Variants in ACLY observed in about 807,000 individuals in gnomAD.
The protein encoded by ACLY is ATP citrate lyase.
Under a neutral mutation model 133.0 loss-of-function variants are expected in ACLY, and 41 were observed. That is an observed-to-expected ratio of 0.31 (90% confidence interval 0.24 to 0.40). The LOEUF (loss-of-function observed/expected upper bound fraction) is 0.40. Among genes scored for constraint, ACLY ranks in the 10% least tolerant of loss-of-function variants. The pLI is 1.00. For synonymous variants in ACLY, 495 were observed against 549.3 expected (o/e 0.90, Z 1.38); for missense variants, 1,046 against 1,453.8 (o/e 0.72, Z 4.56).
chr17:41,871,190 T>G (rs1487443075), intron 25 of ACLY, among the ~76,000 whole-genome samples: 1 of 152,218 alleles, frequency 6.6e-6, no homozygotes, highest in Non-Finnish European at 1.5e-5. Flanking sequence ...ACAGAAAAAC[T>G]GTTAAGGGCA....
Position 41,896,600 on chromosome 17 carries a change from G to A in ACLY, c.1459+20C>T, listed in dbSNP as rs782486110. 3.2e-6 allele frequency: 5 copies of A among 1,544,620 alleles called. No individual in the cohort carries two copies. The highest frequency in any genetic ancestry group is 3.5e-6 in the Non-Finnish European group (4 of 1,145,886). Reference sequence around the variant, plus strand: ...TAACAAAGCCACACGCGGAGTGGGGGCAGGGTGGGGGCATCCTACCTTGCA... The same window carrying A: ...TAACAAAGCCACACGCGGAGTGGGGACAGGGTGGGGGCATCCTACCTTGCA... On this transcript the variant is annotated intron_variant, in intron 14 of 28. Transcript: ENST00000352035.
intron 1 of ACLY, among the ~76,000 whole-genome samples, chr17:41,924,815 C>A (rs2050222873): frequency 6.6e-6 from 1 of 152,084 alleles, no homozygotes; most frequent in Non-Finnish European, 1.5e-5. Context: ...TTTCTCCATG[C>A]AGCCCAACCA....
intron 25 of ACLY, chr17:41,870,755 C>T (rs2048577226): frequency 6.6e-6 from 1 of 152,240 alleles, no homozygotes; most frequent in Admixed American, 6.5e-5. Flanking sequence ...GATATTGTCA[C>T]TCTTCCTGCC....
At chr17:41,892,205 C>G in intron 16 of ACLY, 74 bp downstream of exon 16, 1 of 1,398,726 alleles carries the variant, frequency 7.1e-7, no homozygotes, top group Non-Finnish European at 9.6e-7. Flanking sequence ...ACCCTCTGTC[C>G]CCTAGAGCCC....
intron 20 of ACLY, among the ~76,000 whole-genome samples, chr17:41,882,394 A>AAAAAAAAAAAAAAC: frequency 6.7e-6 from 1 of 149,114 alleles, no homozygotes; most frequent in African/African-American, 2.5e-5. Context: ...AAAAAAAAAA[A>AAAAAAAAAAAAAAC]AAAGTTGTTT....
chr17:41,884,336 G>A, intron 18 of ACLY, 62 bp from the exon 19 acceptor site: 1 of 1,106,572 alleles, frequency 9.0e-7, no homozygotes, highest in Non-Finnish European at 1.4e-6. Flanking sequence ...AGTGTGTACA[G>A]GGTTAGGAAG....
At chr17:41,893,242 C>A in intron 14 of ACLY, 68 bp from the exon 15 acceptor site, 1 of 1,527,274 alleles carries the variant, frequency 6.5e-7, no homozygotes, top group Admixed American at 1.9e-5. Context: ...GGGGCCAGGG[C>A]TGCCTGACAG....
intron 22 of ACLY, among the ~76,000 whole-genome samples, chr17:41,875,696 G>A (rs1229023327): frequency 2.0e-5 from 3 of 152,082 alleles, no homozygotes; most frequent in Non-Finnish European, 2.9e-5. Flanking sequence ...CGCCAGCCTC[G>A]GCCTCCTGAG....
intron 23 of ACLY, 151 bp downstream of exon 23, chr17:41,873,660 G>T: frequency 1.1e-6 from 1 of 923,348 alleles, no homozygotes; most frequent in Non-Finnish European, 1.5e-6. Flanking sequence ...AATAGTTTAT[G>T]TGTCCTTCCT....
At position 41,912,725 on chromosome 17, in the gene ACLY, T is replaced by C. The variant is rs114444166; in HGVS notation, c.160-183A>G. ...CCACCTACCCTAGCCAATATCTTGC[T>C]TTTGACAACCAGGTATCTAGAGGCA... On this transcript the variant is annotated intron_variant, in intron 2 of 28. Transcript: ENST00000352035. Among the ~76,000 whole-genome samples the C allele has an allele frequency of 5.5e-3, 831 of 152,328 alleles. 7 individuals are homozygous for C. The highest frequency in any genetic ancestry group is 0.019 in the African/African-American group (794 of 41,570).
intron 4 of ACLY, 45 bp from the exon 5 acceptor site, chr17:41,909,745 C>T (rs375544753): frequency 1.2e-5 from 19 of 1,582,970 alleles, no homozygotes; most frequent in African/African-American, 5.4e-5. Context: ...GTTGTGGGGG[C>T]GAAGCTGGTG....
chr17:41,884,847 C>A (rs555284748), intron 18 of ACLY, among the ~76,000 whole-genome samples: 24 of 152,002 alleles, frequency 1.6e-4, no homozygotes, highest in South Asian at 8.3e-4. Flanking sequence ...AACAAACAAA[C>A]AAAAAAAACC....
At chr17:41,924,658 A>G (rs2050221099) in intron 1 of ACLY, among the ~76,000 whole-genome samples, 1 of 152,132 alleles carries the variant, frequency 6.6e-6, no homozygotes, top group Non-Finnish European at 1.5e-5. Context: ...GTCCTGGGGA[A>G]GGCTCTCCAG....
chr17:41,868,656 C>T, intron 28 of ACLY, 53 bp downstream of exon 28: 1 of 1,438,712 alleles, frequency 7.0e-7, no homozygotes, highest in Non-Finnish European at 9.7e-7. Context: ...AGTGGTGTAG[C>T]TGAACCGTGG....
At chr17:41,876,020 C>T (rs1293141868) in intron 22 of ACLY, among the ~76,000 whole-genome samples, 3 of 151,640 alleles carry the variant, frequency 2.0e-5, no homozygotes, top group African/African-American at 4.9e-5. Context: ...CGGCCGCCAT[C>T]CCATCTAGGA....
At chr17:41,896,596 G>A (rs782640170) in intron 14 of ACLY, 24 bp downstream of exon 14, 1 of 1,538,142 alleles carries the variant, frequency 6.5e-7, no homozygotes, top group Admixed American at 2.1e-5. Context: ...CACGCGGAGT[G>A]GGGGCAGGGT....
intron 14 of ACLY, among the ~76,000 whole-genome samples, chr17:41,896,016 T>C (rs1233328442): frequency 5.9e-5 from 9 of 152,136 alleles, no homozygotes; most frequent in Non-Finnish European, 1.2e-4. Context: ...ACCCAGTCAC[T>C]AGATCCGCTG....
chr17:41,922,996 A>G (rs1308961733), upstream of ACLY, among the ~76,000 whole-genome samples: 1 of 152,140 alleles, frequency 6.6e-6, no homozygotes, highest in African/African-American at 2.4e-5. Context: ...GAATTAATCA[A>G]TCTAGAACCC....
Position 41,912,273 on chromosome 17 carries a change from C to T in ACLY, c.282+147G>A, listed in dbSNP as rs550706886. Reference sequence around the variant, plus strand: ...GACTGAGCCTACTGCTGGCAGCCACCTGAGTGGGTCAGCGCCACAGGACTC... The same window carrying T: ...GACTGAGCCTACTGCTGGCAGCCACTTGAGTGGGTCAGCGCCACAGGACTC... On this transcript the variant is annotated intron_variant, in intron 3 of 28. Transcript: ENST00000352035. 2.9e-5 allele frequency: 29 copies of T among 1,008,104 alleles called. No homozygotes were observed. In the South Asian group the frequency reaches 4.9e-4, roughly 17 times the overall value. The allele number at this position is 1,008,104 out of a possible 1,614,324, so 62.4% of individuals were successfully genotyped here.
Sources: allele counts gnomAD v4.1 joint callset (sites outside exome capture counted in the v4.1 genomes callset), GRCh38; gene constraint gnomAD v4.1.1; transcripts MANE v1.5; gene names NCBI Gene and HGNC (gene_info 2026-07-23, HGNC 2026-07-21).